Variants in BCL11A observed in about 807,000 individuals in gnomAD.
BCL11A encodes B cell CLL/lymphoma 11A.
A neutral mutation model predicts 55.9 loss-of-function variants in BCL11A; 2 were observed. That is an observed-to-expected ratio of 0.04 (90% CI 0.01 to 0.11). The LOEUF (loss-of-function observed/expected upper bound fraction) is 0.11. Ranked by LOEUF, BCL11A falls within the 10% of genes least tolerant of loss-of-function variation. The probability of loss-of-function intolerance (pLI) is 1.00; values close to 1 mark genes in which losing one functional copy is unlikely to be tolerated. For synonymous variants in BCL11A, 465 were observed against 473.4 expected (o/e 0.98, Z 0.23); for missense variants, 817 against 1,137.1 (o/e 0.72, Z 4.05).
chr2:60,521,870 C>A (rs1260107410), intron 2 of BCL11A, among the ~76,000 whole-genome samples: 3 of 152,182 alleles, frequency 2.0e-5, no homozygotes, highest in Non-Finnish European at 4.4e-5. Context: ...TCTGACTCTG[C>A]CTCATGCACT....
intron 2 of BCL11A, chr2:60,522,222 T>A (rs1669026078): frequency 6.6e-6 from 1 of 152,434 alleles, no homozygotes; most frequent in South Asian, 2.1e-4. Context: ...ATTCTTGTCT[T>A]CTGTAACCCT....
chr2:60,472,009 G>A (rs935597217), intron 2 of BCL11A, among the ~76,000 whole-genome samples: 3 of 152,202 alleles, frequency 2.0e-5, no homozygotes, highest in Admixed American at 2.0e-4. Flanking sequence ...TCCCTGGGCA[G>A]AGACCCATGG....
At chr2:60,497,285 G>A (rs540532778) in intron 2 of BCL11A, among the ~76,000 whole-genome samples, 4 of 152,308 alleles carry the variant, frequency 2.6e-5, no homozygotes, top group Admixed American at 6.5e-5. Context: ...TGTAAAGAGG[G>A]GGGAAAATCT....
intron 2 of BCL11A, among the ~76,000 whole-genome samples, chr2:60,516,678 T>C (rs558892316): frequency 6.6e-6 from 1 of 152,292 alleles, no homozygotes; most frequent in East Asian, 1.9e-4. Context: ...GAGTGAAAGT[T>C]TAACTGCCCT....
intron 2 of BCL11A, among the ~76,000 whole-genome samples, chr2:60,491,802 A>G (rs1329461585): frequency 6.6e-6 from 1 of 152,232 alleles, no homozygotes; most frequent in Admixed American, 6.5e-5. Context: ...GTGGCCAGGT[A>G]GGACCCAACA....
chr2:60,539,456 T>C (rs375029920), intron 2 of BCL11A, among the ~76,000 whole-genome samples: 2 of 152,298 alleles, frequency 1.3e-5, no homozygotes, highest in East Asian at 3.9e-4. Context: ...TTACTAACCC[T>C]GCTAAGAACA....
At chr2:60,475,237 TCTTCAG>T (rs1677518048) in intron 2 of BCL11A, among the ~76,000 whole-genome samples, 1 of 152,206 alleles carries the variant, frequency 6.6e-6, no homozygotes, top group Admixed American at 6.5e-5. Flanking sequence ...TTCTGTGACA[TCTTCAG>T]CTTTCACAAG....
chr2:60,523,555 G>T (rs542456216), intron 2 of BCL11A, among the ~76,000 whole-genome samples: 2 of 151,680 alleles, frequency 1.3e-5, no homozygotes, highest in African/African-American at 4.9e-5. Flanking sequence ...ATGCATATAC[G>T]TATGTATATA....
intron 2 of BCL11A, among the ~76,000 whole-genome samples, chr2:60,512,453 C>T (rs1260675255): frequency 6.6e-6 from 1 of 152,204 alleles, no homozygotes; most frequent in Non-Finnish European, 1.5e-5. Flanking sequence ...GTGCCACACA[C>T]ACTCGCCTCT....
intron 2 of BCL11A, among the ~76,000 whole-genome samples, chr2:60,482,280 C>T (rs148643257): frequency 7.3e-5 from 11 of 150,968 alleles, no homozygotes; most frequent in Admixed American, 3.3e-4. Context: ...GTTCACGGAG[C>T]GGACAGAAGG....
intron 2 of BCL11A, among the ~76,000 whole-genome samples, chr2:60,532,381 GGTTTT>G (rs1228237880): frequency 6.6e-6 from 1 of 150,582 alleles, no homozygotes; most frequent in African/African-American, 2.4e-5. Context: ...TTTTTAAAAA[GGTTTT>G]GTTTTGTTTT....
intron 2 of BCL11A, among the ~76,000 whole-genome samples, chr2:60,532,402 G>GC (rs1396293640): frequency 7.0e-6 from 1 of 142,824 alleles, no homozygotes; most frequent in Non-Finnish European, 1.5e-5. Context: ...GTTTTGCTTT[G>GC]TTTTTTGTTT....
chr2:60,468,047 G>GTGGTGGTGGTGGTGGTGGTGGTAGTGA (rs1676969818), intron 3 of BCL11A, among the ~76,000 whole-genome samples: 3 of 142,678 alleles, frequency 2.1e-5, no homozygotes, highest in African/African-American at 2.6e-5. Context: ...GGTGGTGATG[G>GTGGTGGTGGTGGTGGTGGTGGTAGTGA]TACTGGTGGT....
At chr2:60,513,667 C>T (rs1398238151) in intron 2 of BCL11A, among the ~76,000 whole-genome samples, 2 of 152,190 alleles carry the variant, frequency 1.3e-5, no homozygotes, top group Non-Finnish European at 2.9e-5. Flanking sequence ...ATAAACCCAA[C>T]AGCACGGACT....
At chr2:60,514,817 A>G (rs1668657053) in intron 2 of BCL11A, among the ~76,000 whole-genome samples, 1 of 151,156 alleles carries the variant, frequency 6.6e-6, no homozygotes, top group South Asian at 2.1e-4. Context: ...ATAAGAGAGG[A>G]TTTCCCTACT....
chr2:60,466,779 T>C (rs1558617662), intron 3 of BCL11A, among the ~76,000 whole-genome samples: 1 of 145,406 alleles, frequency 6.9e-6, no homozygotes, highest in African/African-American at 2.8e-5. Context: ...TTTCCTTTTC[T>C]TTTTTTTTCT....
intron 2 of BCL11A, among the ~76,000 whole-genome samples, chr2:60,475,654 G>A (rs1477676499): frequency 6.6e-6 from 1 of 152,084 alleles, no homozygotes; most frequent in Non-Finnish European, 1.5e-5. Flanking sequence ...TCTTTTCAAA[G>A]CCATGGGGAG....
In BCL11A at chr2:60,461,479, A is replaced by G. The variant is rs1254591240; in HGVS notation, c.1433T>C (p.Leu478Pro). 2 of 1,604,426 alleles carry G rather than the reference A, an allele frequency of 1.2e-6. No homozygotes were observed. The highest frequency in any genetic ancestry group is 3.3e-5 in the Admixed American group (2 of 59,956). Residue 478 changes from leucine to proline, a missense_variant, in exon 4 of 4, where the codon CTG (leucine) becomes CCG (proline). Transcript: ENST00000642384. Reference protein sequence around the residue: ...AKFKSENDPNLIPENGDEEEE... With the variant: ...AKFKSENDPNPIPENGDEEEE... ...CTCCTCGTCCCCGTTCTCCGGGATCAGGTTGGGGTCGTTCTCGCTCTTGAA... is the reference window on the plus strand; with the variant it reads ...CTCCTCGTCCCCGTTCTCCGGGATCGGGTTGGGGTCGTTCTCGCTCTTGAA...
intron 2 of BCL11A, among the ~76,000 whole-genome samples, chr2:60,538,733 CTCTCTCTGTGTGTGTGTGTGTG>C (rs1669778433): frequency 1.6e-5 from 1 of 64,284 alleles, no homozygotes; most frequent in African/African-American, 4.2e-5. Flanking sequence ...CTCTCTCTCT[CTCTCTCTGTGTGTGTGTGTGTG>C]TGTGTGTGTG....
Sources: allele counts gnomAD v4.1 joint callset (sites outside exome capture counted in the v4.1 genomes callset), GRCh38; gene constraint gnomAD v4.1.1; transcripts MANE v1.5; gene names NCBI Gene and HGNC (gene_info 2026-07-23, HGNC 2026-07-21).